SND1: variants seen among roughly 807,000 people sequenced by gnomAD.
The protein encoded by SND1 is staphylococcal nuclease and tudor domain containing 1.
In SND1, 38 loss-of-function variants were observed where a neutral mutation model predicts 121.7. That is an observed-to-expected ratio of 0.31 (90% CI 0.24 to 0.41). The LOEUF (loss-of-function observed/expected upper bound fraction) is 0.41. SND1 is among the 10% of genes least tolerant of loss of function. The pLI is 1.00. For missense variants in SND1, 868 were observed against 1,184.6 expected, an observed-to-expected ratio of 0.73 and a Z score of 3.92; for synonymous variants, 401 against 447.4, an observed-to-expected ratio of 0.90 and a Z score of 1.31.
intron 10 of SND1, among the ~76,000 whole-genome samples, chr7:127,798,246 G>A (rs984735626): frequency 1.3e-5 from 2 of 152,140 alleles, no homozygotes; most frequent in African/African-American, 2.4e-5. Context: ...CAAGCTGCCA[G>A]GGGACATTTG....
At chr7:128,042,663 G>T (rs1434915465) in intron 16 of SND1, among the ~76,000 whole-genome samples, 1 of 152,224 alleles carries the variant, frequency 6.6e-6, no homozygotes, top group Non-Finnish European at 1.5e-5. Flanking sequence ...ACCCATTAAA[G>T]CTTTCTTTTG....
chr7:128,045,624 A>G (rs999259365), intron 16 of SND1, among the ~76,000 whole-genome samples: 2 of 152,254 alleles, frequency 1.3e-5, no homozygotes, highest in African/African-American at 4.8e-5. Context: ...CTGCAGCACT[A>G]GAACATAGGA....
At chr7:127,988,241 C>G (rs1686710597) in intron 15 of SND1, among the ~76,000 whole-genome samples, 1 of 152,192 alleles carries the variant, frequency 6.6e-6, no homozygotes, top group Non-Finnish European at 1.5e-5. Context: ...AAAGCCTGTC[C>G]TGCTCTCCTG....
chr7:127,819,684 A>C (rs985901070), intron 11 of SND1, among the ~76,000 whole-genome samples: 6 of 152,226 alleles, frequency 3.9e-5, no homozygotes, highest in Non-Finnish European at 2.9e-5. Context: ...CTCTAAAAAC[A>C]GAAGGAACCA....
intron 16 of SND1, among the ~76,000 whole-genome samples, chr7:128,060,907 T>C (rs907066521): frequency 2.6e-5 from 4 of 152,160 alleles, no homozygotes; most frequent in Non-Finnish European, 5.9e-5. Flanking sequence ...GCGTCTTCAT[T>C]TCCTCTCTCC....
intron 15 of SND1, among the ~76,000 whole-genome samples, chr7:127,950,440 A>T (rs1801436103): frequency 6.6e-6 from 1 of 152,224 alleles, no homozygotes; most frequent in Non-Finnish European, 1.5e-5. Context: ...TTATCCGGTG[A>T]CACAGCATTT....
chr7:128,049,861 T>C (rs1370595925), intron 16 of SND1, among the ~76,000 whole-genome samples: 3 of 151,932 alleles, frequency 2.0e-5, no homozygotes, highest in Non-Finnish European at 4.4e-5. Flanking sequence ...TGGGGCAGTG[T>C]GAAGGTAAAA....
At position 127,710,571 on chromosome 7, in the gene SND1, G is replaced by A. The variant is rs191956567; in HGVS notation, c.1038+2924G>A. Among the ~76,000 whole-genome samples, 5 of 151,986 alleles carry A rather than the reference G, an allele frequency of 3.3e-5. No homozygotes were observed. In the East Asian group the frequency reaches 7.7e-4, roughly 23 times the overall value. ...ATAGCACTGATCTGTACTCTTTTGTGTGTAATTTTTAAGTTTGCACATTTT... is the reference window on the plus strand; with the variant it reads ...ATAGCACTGATCTGTACTCTTTTGTATGTAATTTTTAAGTTTGCACATTTT... On this transcript the variant is annotated intron_variant, in intron 9 of 23. Transcript: ENST00000354725.
intron 10 of SND1, among the ~76,000 whole-genome samples, chr7:127,728,038 G>A (rs1285489855): frequency 6.6e-6 from 1 of 152,154 alleles, no homozygotes; most frequent in Non-Finnish European, 1.5e-5. Flanking sequence ...TTGGTATCTG[G>A]ATAGATAGCA....
intron 14 of SND1, among the ~76,000 whole-genome samples, chr7:127,918,512 A>G (rs1001213148): frequency 6.6e-6 from 1 of 152,210 alleles, no homozygotes; most frequent in African/African-American, 2.4e-5. Context: ...ATTCACCACA[A>G]TGTGGGTTTC....
chr7:127,873,893 T>C (rs970857318), intron 12 of SND1, among the ~76,000 whole-genome samples: 1 of 151,978 alleles, frequency 6.6e-6, no homozygotes, highest in Non-Finnish European at 1.5e-5. Context: ...CAACAACAAC[T>C]CTGACTATTC....
intron 16 of SND1, among the ~76,000 whole-genome samples, chr7:128,012,161 G>T (rs73721276): frequency 0.014 from 2,106 of 152,266 alleles, 60 homozygotes; most frequent in African/African-American, 0.048. Context: ...ACCTAAGCCT[G>T]ATTTTTCTGG....
At chr7:128,004,966 G>A (rs1442551162) in intron 16 of SND1, among the ~76,000 whole-genome samples, 2 of 152,200 alleles carry the variant, frequency 1.3e-5, no homozygotes, top group African/African-American at 2.4e-5. Flanking sequence ...TTTCAAGTAC[G>A]AAGCAAGATA....
intron 12 of SND1, among the ~76,000 whole-genome samples, chr7:127,879,729 A>T (rs1322190972): frequency 6.6e-6 from 1 of 152,080 alleles, no homozygotes; most frequent in Non-Finnish European, 1.5e-5. Flanking sequence ...TCAATGTGTA[A>T]AGGGAGTAGA....
chr7:127,731,353 C>T (rs192458131), intron 10 of SND1, among the ~76,000 whole-genome samples: 1 of 152,358 alleles, frequency 6.6e-6, no homozygotes, highest in Non-Finnish European at 1.5e-5. Context: ...CTTGACATCG[C>T]TCAAAGCAGC....
Position 128,089,636 on chromosome 7 carries a change from G to A in SND1, c.2566G>A (p.Val856Met). 1 of 1,614,194 alleles carries A rather than the reference G, an allele frequency of 6.2e-7. No individual in the cohort carries two copies. Among genetic ancestry groups the A allele is most frequent in the Non-Finnish European group, 8.5e-7 (1 of 1,180,032 alleles). ...CAAGGGCGATGTGGGGCTGGGCTTG[G>A]TGAAGGAAGGGCTGGTCATGGTGGA... Reference protein sequence around the residue: ...DSKGDVGLGLVKEGLVMVEVR... With the variant: ...DSKGDVGLGLMKEGLVMVEVR... The change falls in exon 22 of 24, where the codon GTG (valine) becomes ATG (methionine). Residue 856 changes from valine to methionine, a missense_variant. By Grantham distance (21) the Val-to-Met change is conservative. Around this residue, in one of 2 missense-constraint regions of SND1, gnomAD observed 743 missense variants for 1,071.3 expected, o/e 0.69. Coordinates refer to ENST00000354725, the MANE Select transcript of SND1 (RefSeq NM_014390.4).
intron 14 of SND1, chr7:127,928,230 A>G (rs906843382): frequency 6.6e-6 from 1 of 152,188 alleles, no homozygotes; most frequent in African/African-American, 2.4e-5. Flanking sequence ...TATTATTTCT[A>G]TAATGATTCC....
intron 10 of SND1, among the ~76,000 whole-genome samples, chr7:127,747,554 C>T (rs907714645): frequency 8.5e-5 from 13 of 152,304 alleles, no homozygotes; most frequent in African/African-American, 3.1e-4. Flanking sequence ...CCAAAAACTT[C>T]ATGTCCAGCC....
intron 11 of SND1, among the ~76,000 whole-genome samples, chr7:127,831,871 G>A (rs139726565): frequency 1.3e-4 from 19 of 151,828 alleles, no homozygotes; most frequent in African/African-American, 4.3e-4. Context: ...CTGTGGAAAT[G>A]TACGATGTGA....
Sources: gnomAD v4.1 joint callset for allele counts (sites outside exome capture counted in the v4.1 genomes callset) on GRCh38, gnomAD v4.1.1 for gene constraint, gnomAD v4.1.1 regional missense constraint, MANE v1.5 for transcripts, NCBI Gene and HGNC (gene_info 2026-07-23, HGNC 2026-07-21) for gene names.